The following A4GALT variants were observed in gnomAD, a reference collection of about 807,000 sequenced individuals.
A4GALT encodes alpha 1,4-galactosyltransferase (P1PK blood group).
For synonymous variants in A4GALT, 257 were observed against 220.7 expected, an observed-to-expected ratio of 1.16 and a Z score of -1.46; for missense variants, 512 against 486.0, an observed-to-expected ratio of 1.05 and a Z score of -0.50.
At chr22:42,715,445 G>A (rs929443581) in intron 1 of A4GALT, among the ~76,000 whole-genome samples, 1 of 152,148 alleles carries the variant, frequency 6.6e-6, no homozygotes, top group Non-Finnish European at 1.5e-5. Context: ...TTCAGGGCTG[G>A]GCAAGGTGGC....
At chr22:42,697,355 A>G (rs1162305254) in intron 1 of A4GALT, among the ~76,000 whole-genome samples, 1 of 152,006 alleles carries the variant, frequency 6.6e-6, no homozygotes, top group Non-Finnish European at 1.5e-5. Flanking sequence ...TGTGGTGTGA[A>G]CCAAGACATG....
chr22:42,706,147 A>T (rs1459500091), intron 1 of A4GALT, among the ~76,000 whole-genome samples: 2 of 78,362 alleles, frequency 2.6e-5, no homozygotes, highest in African/African-American at 6.7e-5. Flanking sequence ...CGAGGTCAGG[A>T]GATCGAGACC....
intron 1 of A4GALT, among the ~76,000 whole-genome samples, chr22:42,703,050 T>C (rs546598286): frequency 1.3e-5 from 2 of 149,734 alleles, no homozygotes; most frequent in African/African-American, 5.0e-5. Flanking sequence ...TGGCACATGC[T>C]GCCCTGCTGT....
At chr22:42,710,655 C>A (rs1479115577) in intron 1 of A4GALT, among the ~76,000 whole-genome samples, 1 of 151,882 alleles carries the variant, frequency 6.6e-6, no homozygotes. Flanking sequence ...CAAGATGGTG[C>A]CATCTCACTC....
At chr22:42,704,271 A>G (rs1323597440) in intron 1 of A4GALT, among the ~76,000 whole-genome samples, 1 of 152,176 alleles carries the variant, frequency 6.6e-6, no homozygotes, top group Non-Finnish European at 1.5e-5. Flanking sequence ...TCATGAGGTC[A>G]GGAGTTCAAG....
chr22:42,714,298 A>AAAAAG, intron 1 of A4GALT, among the ~76,000 whole-genome samples: 1 of 148,324 alleles, frequency 6.7e-6, no homozygotes, highest in East Asian at 1.9e-4. Flanking sequence ...AAAAAAAAAA[A>AAAAAG]AAAAAAAAGG....
At chr22:42,709,690 TGA>T (rs1219164391) in intron 1 of A4GALT, among the ~76,000 whole-genome samples, 4 of 152,018 alleles carry the variant, frequency 2.6e-5, no homozygotes, top group Non-Finnish European at 5.9e-5. Flanking sequence ...CTTAGGAGGC[TGA>T]GATACGAGAA....
At chr22:42,710,835 A>C (rs1921626643) in intron 1 of A4GALT, among the ~76,000 whole-genome samples, 1 of 152,144 alleles carries the variant, frequency 6.6e-6, no homozygotes, top group Admixed American at 6.5e-5. Context: ...CAGCCCAGGC[A>C]ACATGGCAAA....
At chr22:42,713,833 C>A (rs8139674) in intron 1 of A4GALT, among the ~76,000 whole-genome samples, 51,760 of 132,946 alleles carry the variant, frequency 0.39, 11,103 homozygotes, top group East Asian at 0.81. Context: ...AAAAAAAAGA[C>A]AGACAGACAG....
intron 1 of A4GALT, among the ~76,000 whole-genome samples, chr22:42,701,979 G>A (rs1285444377): frequency 6.6e-6 from 1 of 152,140 alleles, no homozygotes; most frequent in Admixed American, 6.5e-5. Context: ...ACCTTCTGAT[G>A]ACCTCCTCAA....
chr22:42,703,734 G>A (rs1023968596), intron 1 of A4GALT, among the ~76,000 whole-genome samples: 1 of 152,118 alleles, frequency 6.6e-6, no homozygotes, highest in Non-Finnish European at 1.5e-5. Flanking sequence ...CTAACCAAAT[G>A]CTCTAACCTT....
intron 1 of A4GALT, among the ~76,000 whole-genome samples, chr22:42,708,366 G>A (rs969284015): frequency 2.0e-5 from 3 of 151,764 alleles, no homozygotes; most frequent in Non-Finnish European, 2.9e-5. Flanking sequence ...CAACAAAAGC[G>A]AAACTCCCTC....
At chr22:42,702,338 CTTT>C (rs36007921) in intron 1 of A4GALT, among the ~76,000 whole-genome samples, 2 of 138,986 alleles carry the variant, frequency 1.4e-5, no homozygotes, top group African/African-American at 2.7e-5. Flanking sequence ...GGAACACACT[CTTT>C]TTTTTTTTTT....
At chr22:42,710,368 G>C (rs537470537) in intron 1 of A4GALT, among the ~76,000 whole-genome samples, 4 of 152,082 alleles carry the variant, frequency 2.6e-5, no homozygotes, top group African/African-American at 9.7e-5. Flanking sequence ...CAACAGTCGC[G>C]ATACTCAGGG....
At chr22:42,710,497 A>C (rs950808467) in intron 1 of A4GALT, among the ~76,000 whole-genome samples, 2 of 152,082 alleles carry the variant, frequency 1.3e-5, no homozygotes, top group Non-Finnish European at 1.5e-5. Context: ...GGAGTTCAAG[A>C]CCAGTCTGGA....
chr22:42,704,464 G>A (rs1434308759), intron 1 of A4GALT, among the ~76,000 whole-genome samples: 2 of 151,582 alleles, frequency 1.3e-5, no homozygotes, highest in African/African-American at 4.9e-5. Context: ...TCCAGCCTGG[G>A]CAACAAAGTG....
chr22:42,696,459 C>T (rs557328240), intron 1 of A4GALT, among the ~76,000 whole-genome samples: 19 of 150,044 alleles, frequency 1.3e-4, no homozygotes, highest in African/African-American at 4.4e-4. Flanking sequence ...AGGAAACAGA[C>T]AAAGATGGTG....
intron 1 of A4GALT, among the ~76,000 whole-genome samples, chr22:42,697,116 C>T (rs1324525186): frequency 2.0e-5 from 3 of 152,236 alleles, no homozygotes; most frequent in East Asian, 1.9e-4. Flanking sequence ...AATGGTAGAA[C>T]GGTGTCCAGC....
chr22:42,700,403 G>T (rs933911859), intron 1 of A4GALT, among the ~76,000 whole-genome samples: 1 of 152,238 alleles, frequency 6.6e-6, no homozygotes, highest in Non-Finnish European at 1.5e-5. Flanking sequence ...CAGGAGCAAA[G>T]CCACGGTCGG....
Sources: allele counts gnomAD v4.1 joint callset (sites outside exome capture counted in the v4.1 genomes callset), GRCh38; gene constraint gnomAD v4.1.1; transcripts MANE v1.5; gene names NCBI Gene and HGNC (gene_info 2026-07-23, HGNC 2026-07-21).